CELF6: variants seen among roughly 807,000 people sequenced by gnomAD.
The protein encoded by CELF6 is Bruno -like 6, RNA binding protein.
A neutral mutation model predicts 53.1 loss-of-function variants in CELF6; 32 were observed. That is an observed-to-expected ratio of 0.60 (90% confidence interval 0.46 to 0.81). The LOEUF is 0.81. Among genes scored for constraint, CELF6 ranks in the 30% least tolerant of loss-of-function variants. CELF6 has a pLI of 0.00. For synonymous variants in CELF6, 291 were observed against 288.8 expected (o/e 1.01, Z -0.08); for missense variants, 539 against 669.5 (o/e 0.81, Z 2.15).
chr15:72,314,484 A>G (rs1205970554), intron 2 of CELF6, among the ~76,000 whole-genome samples: 1 of 152,046 alleles, frequency 6.6e-6, no homozygotes, highest in Non-Finnish European at 1.5e-5. Context: ...CCTCATATCT[A>G]AAGAGACTGA....
At chr15:72,314,582 AC>A (rs950383791) in intron 2 of CELF6, among the ~76,000 whole-genome samples, 18 of 136,284 alleles carry the variant, frequency 1.3e-4, no homozygotes, top group African/African-American at 5.9e-4. Context: ...GAGACTCAAA[AC>A]CCAGTGTTTT....
chr15:72,312,866 C>A lies in CELF6; in HGVS notation c.345+2979G>T, dbSNP rs994153861. Among the ~76,000 whole-genome samples the A allele has an allele frequency of 1.8e-4, 27 of 152,282 alleles. No individual in the cohort carries two copies. The East Asian group carries it at 5.0e-3, about 28-fold the overall frequency. On this transcript the variant is annotated intron_variant, in intron 2 of 12. Coordinates refer to ENST00000287202, the MANE Select transcript of CELF6 (RefSeq NM_052840.5). ...CCATGCTGGTGGGCCTAAGGCCAGG[C>A]GACTAAAGTTGCTGCTGTCCCTGGC...
At position 72,288,675 on chromosome 15, in the gene CELF6, C is replaced by G; in HGVS notation, c.1094-57G>C. The G allele has an allele frequency of 6.7e-7, 1 of 1,502,186 alleles. No individual in the cohort carries two copies. Among genetic ancestry groups the G allele is most frequent in the South Asian group, 1.3e-5 (1 of 78,998 alleles). 93.1% of individuals were successfully genotyped at this position (1,502,186 alleles called of 1,614,324 possible). A position where few individuals can be genotyped will look rare whatever the true frequency, so the allele number is the denominator to read the frequency against. On this transcript the variant is annotated intron_variant, in intron 9 of 12. Coordinates refer to ENST00000287202, the MANE Select transcript of CELF6 (RefSeq NM_052840.5). This position sits in a 1 kb window ranked among gnomAD's most constrained non-coding sequence, Gnocchi z 4.6. ...CCCAGGAGCCCTTCCCCAAGCAGGG[C>G]CCCAACTGCCTGGCCGCTTTTGACC...
intron 2 of CELF6, among the ~76,000 whole-genome samples, chr15:72,315,177 T>A (rs1595786987): frequency 6.6e-6 from 1 of 152,352 alleles, no homozygotes; most frequent in Non-Finnish European, 1.5e-5. Context: ...CAAGGCTGTA[T>A]AGTATGACTT....
rs1006677445 is a variant in CELF6 at position 72,288,749 on chromosome 15, G to C, written c.1093+119C>G. 6.0e-6 allele frequency: 8 copies of C among 1,339,972 alleles called. No homozygotes were observed. Among genetic ancestry groups the C allele is most frequent in the Admixed American group, 5.9e-5 (3 of 50,626 alleles). The allele number at this position is 1,339,972 out of a possible 1,614,324, so 83.0% of individuals were successfully genotyped here. A position where few individuals can be genotyped will look rare whatever the true frequency, so the allele number is the denominator to read the frequency against. ...CCTCACCCCAAGAGAGGTCGTTCTG[G>C]GGGTAGGAGGGGATGGGAGGATCAA... On this transcript the variant is annotated intron_variant, in intron 9 of 12. Coordinates refer to ENST00000287202, the MANE Select transcript of CELF6 (RefSeq NM_052840.5). The surrounding 1 kb of genome is among the most constrained non-coding windows in gnomAD (Gnocchi z 4.6).
chr15:72,286,965 T>C (rs1372102018), intron 12 of CELF6, among the ~76,000 whole-genome samples: 2 of 152,238 alleles, frequency 1.3e-5, no homozygotes, highest in Non-Finnish European at 2.9e-5. Flanking sequence ...TCTACTCTCA[T>C]TGGCTGTCTC....
rs989462583 is a variant in CELF6, at chr15:72,319,010, G to C, written c.262+603C>G. Among the ~76,000 whole-genome samples the C allele has an allele frequency of 5.3e-5, 8 of 152,170 alleles. No individual in the cohort carries two copies. The highest frequency in any genetic ancestry group is 3.9e-4 in the Admixed American group (6 of 15,284). On this transcript the variant is annotated intron_variant, in intron 1 of 12. Coordinates refer to ENST00000287202, the MANE Select transcript of CELF6 (RefSeq NM_052840.5). This position sits in a 1 kb window ranked among gnomAD's most constrained non-coding sequence, Gnocchi z 5.0. ...AACATGAGGGGGTGTCTGGAACTGAGAGCCTCCTGGGAATTGAATTGGATT... is the reference window on the plus strand; with the variant it reads ...AACATGAGGGGGTGTCTGGAACTGACAGCCTCCTGGGAATTGAATTGGATT...
At chr15:72,291,727 GTGTC>G (rs966079880) in intron 3 of CELF6, among the ~76,000 whole-genome samples, 4 of 152,246 alleles carry the variant, frequency 2.6e-5, no homozygotes, top group Admixed American at 6.5e-5. Context: ...GGATCCTGAA[GTGTC>G]TGTCTGTCTG....
At chr15:72,300,267 A>G (rs2088134570) in intron 3 of CELF6, among the ~76,000 whole-genome samples, 1 of 151,912 alleles carries the variant, frequency 6.6e-6, no homozygotes, top group Admixed American at 6.6e-5. Flanking sequence ...GGGCTGAGGC[A>G]GGGGGATCAC....
intron 3 of CELF6, among the ~76,000 whole-genome samples, chr15:72,298,322 C>A (rs548201513): frequency 1.3e-5 from 2 of 152,320 alleles, no homozygotes; most frequent in Admixed American, 6.5e-5. Context: ...CTTGCAAATT[C>A]AGGCAGAAAT....
chr15:72,302,635 G>A (rs879335125), intron 3 of CELF6, among the ~76,000 whole-genome samples: 2 of 152,126 alleles, frequency 1.3e-5, no homozygotes, highest in Non-Finnish European at 2.9e-5. Context: ...CCCTTTGTGC[G>A]GCTGCCCAAA....
intron 2 of CELF6, among the ~76,000 whole-genome samples, chr15:72,313,942 C>A (rs2088330823): frequency 6.6e-6 from 1 of 152,136 alleles, no homozygotes; most frequent in African/African-American, 2.4e-5. Flanking sequence ...CGACAACAAC[C>A]CTATGAGTTT....
chr15:72,289,521 G>A lies in CELF6; in HGVS notation c.748-14C>T. On this transcript the variant is annotated splice_polypyrimidine_tract_variant and intron_variant, in intron 6 of 12. Transcript: ENST00000287202. This position sits in a 1 kb window ranked among gnomAD's most constrained non-coding sequence, Gnocchi z 7.6. Reference sequence around the variant, plus strand: ...GTGCTGCAGGATCTTTGAGAGGAAAGATGGGCGAGAGTGGAGGGCCAAGGG... The same window carrying A: ...GTGCTGCAGGATCTTTGAGAGGAAAAATGGGCGAGAGTGGAGGGCCAAGGG... 6.6e-7 allele frequency: 1 copy of A among 1,508,004 alleles called. No individual in the cohort carries two copies. Among genetic ancestry groups the A allele is most frequent in the Non-Finnish European group, 8.8e-7 (1 of 1,132,600 alleles). 93.4% of individuals were successfully genotyped at this position (1,508,004 alleles called of 1,614,324 possible).
chr15:72,298,614 A>G (rs1176288150), intron 3 of CELF6, among the ~76,000 whole-genome samples: 3 of 152,250 alleles, frequency 2.0e-5, no homozygotes, highest in Non-Finnish European at 2.9e-5. Context: ...CAAGCAGAGC[A>G]ATCACCATTG....
At position 72,289,351 on chromosome 15, in the gene CELF6, C is replaced by G. The variant is rs1013433399; in HGVS notation, c.880+24G>C. 2 of 1,542,160 alleles carry G rather than the reference C, an allele frequency of 1.3e-6. No individual in the cohort carries two copies. ...CGCCCCGCCCGGCCCCTCCCAGGCG[C>G]GCCCCAGTCCCTGGGGGCCGTACCT... On this transcript the variant is annotated intron_variant, in intron 7 of 12. Transcript: ENST00000287202. The surrounding 1 kb of genome is among the most constrained non-coding windows in gnomAD (Gnocchi z 7.6).
intron 2 of CELF6, among the ~76,000 whole-genome samples, chr15:72,305,450 A>G (rs1040386878): frequency 6.6e-6 from 1 of 151,492 alleles, no homozygotes; most frequent in Non-Finnish European, 1.5e-5. Flanking sequence ...CAAATGATTC[A>G]CCCGCCTCAG....
rs1431273618 is a variant in CELF6, at chr15:72,289,572, C to T, written c.747+55G>A. The T allele has an allele frequency of 1.6e-5, 23 of 1,478,972 alleles. No homozygotes were observed. Among genetic ancestry groups the T allele is most frequent in the Admixed American group, 2.4e-5 (1 of 41,858 alleles). The allele number at this position is 1,478,972 out of a possible 1,614,324, so 91.6% of individuals were successfully genotyped here. On this transcript the variant is annotated intron_variant, in intron 6 of 12. Transcript: ENST00000287202. The surrounding 1 kb of genome is among the most constrained non-coding windows in gnomAD (Gnocchi z 7.6). ...GCAGGCAGCTGCCCGTGCTCTCAGC[C>T]CCAGGCCTGGCCCACCCACCTGCGC...
In CELF6 at chr15:72,319,195, G is replaced by A. The variant is rs1401862623; in HGVS notation, c.262+418C>T. Among the ~76,000 whole-genome samples the A allele has an allele frequency of 6.6e-6, 1 of 152,154 alleles. No homozygotes were observed. The highest frequency in any genetic ancestry group is 1.5e-5 in the Non-Finnish European group (1 of 68,032). On this transcript the variant is annotated intron_variant, in intron 1 of 12. Transcript: ENST00000287202. This position sits in a 1 kb window ranked among gnomAD's most constrained non-coding sequence, Gnocchi z 5.0. ...CCAAGATATGCATGTGGGTGGTTAG[G>A]CCTGAGTGAGGTGCCACCAGATGGA...
intron 2 of CELF6, among the ~76,000 whole-genome samples, chr15:72,307,027 C>T (rs967310083): frequency 2.0e-5 from 3 of 151,654 alleles, no homozygotes; most frequent in African/African-American, 7.3e-5. Context: ...CAGGGAGGAG[C>T]CTGGTAGGGA....
Sources: gnomAD v4.1 joint callset for allele counts (sites outside exome capture counted in the v4.1 genomes callset) on GRCh38, gnomAD v4.1.1 for gene constraint, Gnocchi (gnomAD v3.1) non-coding constraint, MANE v1.5 for transcripts, NCBI Gene and HGNC (gene_info 2026-07-23, HGNC 2026-07-21) for gene names.